Variants in L3MBTL4 observed in about 807,000 individuals in gnomAD.
L3MBTL4 encodes lethal(3)malignant brain tumor-like protein 4.
A neutral mutation model predicts 84.5 loss-of-function variants in L3MBTL4; 70 were observed. The observed-to-expected ratio is 0.83, with a 90% CI of 0.68 to 1.01. The LOEUF (loss-of-function observed/expected upper bound fraction) is 1.01, where lower values mean the gene tolerates loss of function less well. L3MBTL4 is among the 50% of genes least tolerant of loss of function. The pLI, the probability that L3MBTL4 is intolerant of heterozygous loss-of-function variation, is 0.00. For synonymous variants in L3MBTL4, 274 were observed against 259.8 expected (o/e 1.05, Z -0.52); for missense variants, 715 against 754.8 (o/e 0.95, Z 0.62).
chr18:5,956,294 A>C lies in L3MBTL4; in HGVS notation c.1771T>G (p.Ser591Ala). ...TGGGAATGCCTGAACATCAGGATAG[A>C]GTTGTAAATCTTCAGTGCTGGGCCC... is the stretch of plus-strand genomic sequence containing the variant. Reference protein sequence around the residue: ...KLGPALKIYNSILMFRHSQEL... With the variant: ...KLGPALKIYNAILMFRHSQEL... The change falls in exon 19 of 19, where the codon TCT (serine) becomes GCT (alanine). Residue 591 changes from serine to alanine, a missense_variant. Ser to Ala is a moderately conservative substitution (Grantham distance 99). Coordinates refer to ENST00000317931, the MANE Select transcript of L3MBTL4 (RefSeq NM_001330559.2). 1 of 1,614,110 alleles carries C rather than the reference A, an allele frequency of 6.2e-7. No homozygotes were observed. Among genetic ancestry groups the C allele is most frequent in the Non-Finnish European group, 8.5e-7 (1 of 1,179,970 alleles).
At chr18:6,404,447 C>G (rs2055640648) in intron 1 of L3MBTL4, among the ~76,000 whole-genome samples, 1 of 152,128 alleles carries the variant, frequency 6.6e-6, no homozygotes, top group Non-Finnish European at 1.5e-5. Context: ...GCTCTGGGAA[C>G]AAAGATAAAA....
Position 6,238,061 on chromosome 18 carries a change from A to G in L3MBTL4, c.708-21T>C, listed in dbSNP as rs771797658. 2.5e-6 allele frequency: 4 copies of G among 1,607,758 alleles called. No individual in the cohort carries two copies. In the South Asian group the frequency reaches 3.3e-5, roughly 13 times the overall value. On this transcript the variant is annotated intron_variant, in intron 9 of 18. Coordinates refer to ENST00000317931, the MANE Select transcript of L3MBTL4 (RefSeq NM_001330559.2). ...CGCACCTGCAAAAACAGAGCTCTAT[A>G]TTACGTTCCGTTTTACTTCATGCCA...
chr18:6,142,155 G>A (rs2060216983), intron 13 of L3MBTL4, among the ~76,000 whole-genome samples: 1 of 152,198 alleles, frequency 6.6e-6, no homozygotes, highest in African/African-American at 2.4e-5. Context: ...CAATTACAAA[G>A]TAAATAATTA....
At chr18:6,248,924 T>C (rs563884546) in intron 5 of L3MBTL4, among the ~76,000 whole-genome samples, 7 of 152,234 alleles carry the variant, frequency 4.6e-5, no homozygotes, top group Non-Finnish European at 8.8e-5. Flanking sequence ...GTTAAATTTT[T>C]CTTACATTCT....
intron 14 of L3MBTL4, among the ~76,000 whole-genome samples, chr18:6,097,976 C>T (rs533160342): frequency 1.8e-4 from 27 of 152,268 alleles, no homozygotes; most frequent in Middle Eastern, 3.4e-3. Flanking sequence ...GTGCTGTGCC[C>T]GCCAATTGGG....
chr18:6,345,215 C>CAAAAAAAAAAAAAAAA (rs35502624), intron 1 of L3MBTL4, among the ~76,000 whole-genome samples: 8 of 38,446 alleles, frequency 2.1e-4, no homozygotes, highest in East Asian at 7.1e-4. Context: ...TACTAAAATA[C>CAAAAAAAAAAAAAAAA]AAAAAAAAAA....
intron 1 of L3MBTL4, among the ~76,000 whole-genome samples, chr18:6,346,071 G>T (rs969629691): frequency 6.8e-6 from 1 of 147,476 alleles, no homozygotes. Flanking sequence ...ACACAATGGA[G>T]AAAGGACAGT....
At chr18:6,122,686 T>C (rs1355488615) in intron 14 of L3MBTL4, among the ~76,000 whole-genome samples, 1 of 152,170 alleles carries the variant, frequency 6.6e-6, no homozygotes, top group Admixed American at 6.5e-5. Flanking sequence ...AGCATGAAAA[T>C]GGACTAATAC....
At chr18:6,045,977 T>G (rs1379741478) in intron 16 of L3MBTL4, among the ~76,000 whole-genome samples, 2 of 152,036 alleles carry the variant, frequency 1.3e-5, no homozygotes, top group Non-Finnish European at 2.9e-5. Context: ...TTCCATCTGC[T>G]CTCTTCAAGA....
rs148467834 is a variant in L3MBTL4 at position 6,356,210 on chromosome 18, T to C, written c.-90-44154A>G. Among the ~76,000 whole-genome samples, 267 of 152,314 alleles carry C rather than the reference T, an allele frequency of 1.8e-3. 1 individual carries two copies. Among genetic ancestry groups the C allele is most frequent in the African/African-American group, 2.7e-3 (113 of 41,558 alleles). ...CAGCATCCCAGTACCTGGTGCAAGA[T>C]GACATTTACACTCCAAAGAATGCCT... On this transcript the variant is annotated intron_variant, in intron 1 of 18. Transcript: ENST00000317931.
At chr18:6,413,451 C>A (rs1207301210) in intron 1 of L3MBTL4, among the ~76,000 whole-genome samples, 1 of 152,178 alleles carries the variant, frequency 6.6e-6, no homozygotes, top group African/African-American at 2.4e-5. Context: ...CTCTTTCAAC[C>A]GTTTCTCCTA....
chr18:6,300,724 G>A (rs899114439), intron 4 of L3MBTL4, among the ~76,000 whole-genome samples: 3 of 152,230 alleles, frequency 2.0e-5, no homozygotes, highest in Non-Finnish European at 4.4e-5. Context: ...ACATTAGTGT[G>A]AAAATATAGC....
intron 15 of L3MBTL4, among the ~76,000 whole-genome samples, chr18:6,091,505 G>A (rs112220297): frequency 1.3e-5 from 2 of 152,210 alleles, no homozygotes; most frequent in Admixed American, 6.5e-5. Flanking sequence ...CAGGACAACC[G>A]GTGATTTGTC....
At chr18:6,158,446 C>T (rs1376924488) in intron 13 of L3MBTL4, among the ~76,000 whole-genome samples, 1 of 151,994 alleles carries the variant, frequency 6.6e-6, no homozygotes, top group East Asian at 1.9e-4. Context: ...TATACAAAGG[C>T]CTTAGGGTGG....
At chr18:5,978,804 C>T (rs1011100802) in intron 16 of L3MBTL4, among the ~76,000 whole-genome samples, 3 of 152,182 alleles carry the variant, frequency 2.0e-5, no homozygotes, top group African/African-American at 4.8e-5. Flanking sequence ...GGAAGTTAGC[C>T]CTGGCTTCAG....
intron 16 of L3MBTL4, among the ~76,000 whole-genome samples, chr18:5,986,130 GC>G (rs1447108287): frequency 2.6e-5 from 4 of 152,176 alleles, no homozygotes; most frequent in African/African-American, 7.2e-5. Context: ...GTGCTGAGAG[GC>G]CGAAAGAGAT....
At chr18:6,349,958 TC>T (rs1477691792) in intron 1 of L3MBTL4, among the ~76,000 whole-genome samples, 4 of 152,202 alleles carry the variant, frequency 2.6e-5, no homozygotes, top group Non-Finnish European at 2.9e-5. Context: ...TACACTGTAT[TC>T]TTACATTATA....
At chr18:6,216,710 ATTC>A (rs2046342791) in intron 10 of L3MBTL4, among the ~76,000 whole-genome samples, 1 of 152,156 alleles carries the variant, frequency 6.6e-6, no homozygotes, top group South Asian at 2.1e-4. Context: ...AAAAATATGT[ATTC>A]TTCTCACTTT....
intron 16 of L3MBTL4, among the ~76,000 whole-genome samples, chr18:6,021,009 G>A (rs1314770616): frequency 6.6e-6 from 1 of 152,194 alleles, no homozygotes; most frequent in Non-Finnish European, 1.5e-5. Context: ...GGCAGCAAAG[G>A]AATCTGAGAA....
Sources: allele counts gnomAD v4.1 joint callset (sites outside exome capture counted in the v4.1 genomes callset), GRCh38; gene constraint gnomAD v4.1.1; transcripts MANE v1.5; gene names NCBI Gene and HGNC (gene_info 2026-07-23, HGNC 2026-07-21).